The following PIK3CB variants were observed in gnomAD, a reference collection of about 807,000 sequenced individuals.
PIK3CB encodes phosphatidylinositol 4,5-bisphosphate 3-kinase catalytic subunit beta isoform.
A neutral mutation model predicts 136.8 loss-of-function variants in PIK3CB; 39 were observed. The observed-to-expected ratio is 0.29, with a 90% CI of 0.22 to 0.37. PIK3CB has a LOEUF of 0.37. PIK3CB is among the 10% of genes least tolerant of loss of function. The pLI is 1.00. For synonymous variants in PIK3CB, 428 were observed against 436.6 expected (o/e 0.98, Z 0.25); for missense variants, 868 against 1,275.4 (o/e 0.68, Z 4.87).
intron 15 of PIK3CB, among the ~76,000 whole-genome samples, chr3:138,690,674 C>A (rs2043988379): frequency 7.3e-6 from 1 of 137,792 alleles, no homozygotes; most frequent in Non-Finnish European, 1.5e-5. Context: ...TGGAAAATAG[C>A]AATACATTAT....
At chr3:138,687,518 G>A (rs1433483092) in intron 16 of PIK3CB, among the ~76,000 whole-genome samples, 1 of 152,286 alleles carries the variant, frequency 6.6e-6, no homozygotes, top group East Asian at 1.9e-4. Flanking sequence ...AGGCTAGGGT[G>A]TAGTGGTACA....
intron 1 of PIK3CB, among the ~76,000 whole-genome samples, chr3:138,809,052 T>C (rs2046264636): frequency 6.6e-6 from 1 of 151,378 alleles, no homozygotes; most frequent in African/African-American, 2.4e-5. Flanking sequence ...GGCGGGTGGA[T>C]CATCTGGAGT....
rs1268457824 is a variant in PIK3CB at position 138,654,462 on chromosome 3, T to G, written c.*927A>C. On this transcript the variant is annotated 3_prime_UTR_variant, in exon 24 of 24. Transcript: ENST00000674063. ...TTTCTAAAATACTGAATTTCAGATC[T>G]GGAGTTTATTCCATAAATAGGTTTC... The G allele has an allele frequency of 1.3e-5, 3 of 228,374 alleles. No homozygotes were observed. Among genetic ancestry groups the G allele is most frequent in the African/African-American group, 2.2e-5 (1 of 45,122 alleles). 14.1% of individuals were successfully genotyped at this position (228,374 alleles called of 1,614,324 possible).
At chr3:138,692,943 G>T (rs374021253) in intron 14 of PIK3CB, among the ~76,000 whole-genome samples, 1 of 152,086 alleles carries the variant, frequency 6.6e-6, no homozygotes, top group Non-Finnish European at 1.5e-5. Flanking sequence ...GAAATGTGGA[G>T]AAACTTAAAT....
At chr3:138,764,563 G>C (rs191160246) in intron 2 of PIK3CB, among the ~76,000 whole-genome samples, 1 of 152,100 alleles carries the variant, frequency 6.6e-6, no homozygotes, top group Non-Finnish European at 1.5e-5. Flanking sequence ...TCAGGAGTTC[G>C]AGACCAGCAC....
chr3:138,676,148 G>A (rs977617563), intron 19 of PIK3CB, among the ~76,000 whole-genome samples: 4 of 152,106 alleles, frequency 2.6e-5, no homozygotes, highest in Non-Finnish European at 5.9e-5. Context: ...ATTTACAAAT[G>A]AGCAGAGGAT....
At chr3:138,800,336 C>CT (rs35684147) in intron 1 of PIK3CB, among the ~76,000 whole-genome samples, 131 of 143,284 alleles carry the variant, frequency 9.1e-4, no homozygotes, top group Admixed American at 1.1e-3. Flanking sequence ...ACCCATGACA[C>CT]TTTTTTTTTT....
At chr3:138,680,997 T>C (rs751872311) in intron 19 of PIK3CB, among the ~76,000 whole-genome samples, 1 of 151,996 alleles carries the variant, frequency 6.6e-6, no homozygotes, top group Non-Finnish European at 1.5e-5. Context: ...CCAATTGTTC[T>C]TATAATCTGT....
intron 1 of PIK3CB, among the ~76,000 whole-genome samples, chr3:138,830,903 AAATAAT>A (rs373908245): frequency 0.083 from 11,387 of 136,868 alleles, 664 homozygotes; most frequent in African/African-American, 0.16. Context: ...CTCCGTCTCA[AAATAAT>A]AATAATAATA....
intron 10 of PIK3CB, among the ~76,000 whole-genome samples, chr3:138,708,632 G>A (rs361085): frequency 0.83 from 124,685 of 149,658 alleles, 52,603 homozygotes; most frequent in East Asian, 0.99. Context: ...TTTTAGAGAC[G>A]GGGTCTTGCC....
chr3:138,731,338 G>A (rs184327707), intron 8 of PIK3CB, among the ~76,000 whole-genome samples: 13 of 151,918 alleles, frequency 8.6e-5, no homozygotes, highest in South Asian at 2.1e-4. Flanking sequence ...GGGCAGCCTC[G>A]ACCTCCCAGG....
intron 1 of PIK3CB, among the ~76,000 whole-genome samples, chr3:138,832,849 A>C (rs1216924382): frequency 6.8e-6 from 1 of 146,866 alleles, no homozygotes. Context: ...AAAAAAAAAA[A>C]CAAAATTGAA....
intron 21 of PIK3CB, among the ~76,000 whole-genome samples, chr3:138,661,009 G>A (rs942676608): frequency 1.3e-5 from 2 of 152,198 alleles, no homozygotes; most frequent in African/African-American, 2.4e-5. Flanking sequence ...GAACCAATCA[G>A]ATTTCTAGAA....
intron 4 of PIK3CB, among the ~76,000 whole-genome samples, chr3:138,746,828 T>C (rs1359635763): frequency 2.0e-5 from 3 of 151,262 alleles, no homozygotes; most frequent in African/African-American, 7.3e-5. Context: ...TTGGTATGCC[T>C]TTCTTATAGC....
In PIK3CB at chr3:138,714,625, T is replaced by G; in HGVS notation, c.1145A>C (p.Asn382Thr). Reference sequence around the variant, plus strand: ...ATTAATATCAAATTCCAGTGGTTCATTCCAAATATGATCATTTTTCCCTGA... The same window carrying G: ...ATTAATATCAAATTCCAGTGGTTCAGTCCAAATATGATCATTTTTCCCTGA... ...EVSGKNDHIWNEPLEFDINIC... is the reference protein window; with the variant it reads ...EVSGKNDHIWTEPLEFDINIC... Residue 382 changes from asparagine (N) to threonine (T), a missense_variant, in exon 9 of 24, where the codon AAT becomes ACT. By Grantham distance (65) the Asn-to-Thr change is moderately conservative. Transcript: ENST00000674063. 6.2e-7 allele frequency: 1 copy of G among 1,613,294 alleles called. No individual in the cohort carries two copies. Among genetic ancestry groups the G allele is most frequent in the Non-Finnish European group, 8.5e-7 (1 of 1,179,258 alleles).
chr3:138,779,271 A>G (rs1215825737), intron 2 of PIK3CB, among the ~76,000 whole-genome samples: 1 of 151,182 alleles, frequency 6.6e-6, no homozygotes. Flanking sequence ...TATTTTTAGT[A>G]GAGACAGGGT....
intron 1 of PIK3CB, among the ~76,000 whole-genome samples, chr3:138,808,635 G>A (rs1413540701): frequency 6.6e-6 from 1 of 151,610 alleles, no homozygotes; most frequent in Non-Finnish European, 1.5e-5. Context: ...AGTAAGATGA[G>A]AACATGCCAC....
In PIK3CB at chr3:138,688,920, T is replaced by C. The variant is rs2043951634; in HGVS notation, c.2091A>G (p.Ala697=). The C allele has an allele frequency of 1.2e-6, 2 of 1,613,814 alleles. No homozygotes were observed. Among genetic ancestry groups the C allele is most frequent in the Non-Finnish European group, 1.7e-6 (2 of 1,179,810 alleles). Residue 697 remains alanine, a synonymous_variant, in exon 16 of 24, where the codon GCA becomes GCG. Transcript: ENST00000674063. ...VSVQFGVILE[A]YCRGSVGHMK... is the part of the protein sequence containing the mutation. The stretch of plus-strand genomic sequence containing the variant: ...TGTGCCCCACACTTCCCCGGCAGTA[T>C]GCTTCAAGGATGACACCAAATTGTA...
At chr3:138,831,590 T>G (rs1473572636) in intron 1 of PIK3CB, among the ~76,000 whole-genome samples, 1 of 149,154 alleles carries the variant, frequency 6.7e-6, no homozygotes, top group African/African-American at 2.5e-5. Flanking sequence ...AGTCTCTAAA[T>G]AAGTAAATAA....
Sources: gnomAD v4.1 joint callset for allele counts (sites outside exome capture counted in the v4.1 genomes callset) on GRCh38, gnomAD v4.1.1 for gene constraint, MANE v1.5 for transcripts, NCBI Gene and HGNC (gene_info 2026-07-23, HGNC 2026-07-21) for gene names.